LAMB1: variants seen among roughly 807,000 people sequenced by gnomAD.
The protein encoded by LAMB1 is laminin subunit beta 1.
Under a neutral mutation model 222.3 loss-of-function variants are expected in LAMB1, and 121 were observed. The ratio of observed to expected loss-of-function variants is 0.54; its 90% confidence interval spans 0.47 to 0.63. The LOEUF is 0.63. Ranked by LOEUF, LAMB1 falls within the 30% of genes least tolerant of loss-of-function variation. The probability of loss-of-function intolerance (pLI) is 0.00; values close to 1 mark genes in which losing one functional copy is unlikely to be tolerated. For missense variants in LAMB1, 2,172 were observed against 2,240.8 expected (o/e 0.97, Z 0.62); for synonymous variants, 794 against 807.2 (o/e 0.98, Z 0.28).
intron 21 of LAMB1, among the ~76,000 whole-genome samples, chr7:107,955,223 G>A (rs1014328594): frequency 2.0e-5 from 3 of 152,066 alleles, no homozygotes; most frequent in Non-Finnish European, 2.9e-5. Flanking sequence ...TGTTCCACAG[G>A]GTTTCTAGAT....
In LAMB1 at chr7:107,923,867, G is replaced by T; in HGVS notation, c.*84C>A. On this transcript the variant is annotated 3_prime_UTR_variant, in exon 34 of 34. Transcript: ENST00000222399. The stretch of plus-strand genomic sequence containing the variant: ...TGATTAAAAACATTAAATAGGTGAT[G>T]TTTTATTTTGAAGAGCATTAAGTCA... The T allele has an allele frequency of 1.6e-6, 2 of 1,242,772 alleles. No individual in the cohort carries two copies. Among genetic ancestry groups the T allele is most frequent in the Non-Finnish European group, 2.3e-6 (2 of 886,100 alleles). The allele number at this position is 1,242,772 out of a possible 1,614,324, so 77.0% of individuals were successfully genotyped here.
intron 3 of LAMB1, 136 bp from the exon 4 acceptor site, chr7:107,998,628 TAGG>T (rs2150456112): frequency 8.7e-6 from 6 of 686,868 alleles, no homozygotes; most frequent in South Asian, 7.1e-5. Context: ...GAAAATTGCT[TAGG>T]AGATTTGTAT....
chr7:107,951,346 GT>G (rs765581216), intron 23 of LAMB1, 24 bp from the exon 24 acceptor site: 1 of 1,609,476 alleles, frequency 6.2e-7, no homozygotes, highest in Non-Finnish European at 8.5e-7. Context: ...ACAGACCTTG[GT>G]CAAGCAGGCT....
chr7:107,950,818 A>C (rs1328386567), intron 24 of LAMB1, among the ~76,000 whole-genome samples: 1 of 152,222 alleles, frequency 6.6e-6, no homozygotes, highest in Admixed American at 6.5e-5. Flanking sequence ...AGTTGGCCAC[A>C]AAATACTGTT....
intron 9 of LAMB1, among the ~76,000 whole-genome samples, chr7:107,977,249 C>T (rs557273957): frequency 1.4e-4 from 22 of 152,178 alleles, no homozygotes; most frequent in Admixed American, 4.6e-4. Flanking sequence ...GGGGCAGAGG[C>T]GGAGCTGCTC....
chr7:107,975,106 A>G lies in LAMB1; in HGVS notation c.1370-8T>C. 1.3e-6 allele frequency: 2 copies of G among 1,588,816 alleles called. No individual in the cohort carries two copies. The highest frequency in any genetic ancestry group is 1.7e-6 in the Non-Finnish European group (2 of 1,157,108). On this transcript the variant is annotated splice_region_variant and splice_polypyrimidine_tract_variant and intron_variant, in intron 11 of 33. Coordinates refer to ENST00000222399, the MANE Select transcript of LAMB1 (RefSeq NM_002291.3). ...GAGGATTGCAAGCACAAGCTGTATT[A>G]AAACAAAATGAAGTGGAGAAACACA...
At chr7:107,999,884 C>T (rs1563012569) in intron 3 of LAMB1, 2 of 151,800 alleles carry the variant, frequency 1.3e-5, no homozygotes, top group South Asian at 4.2e-4. Flanking sequence ...TCAGGAGAGA[C>T]CGCTGCACCT....
Position 107,935,486 on chromosome 7 carries a change from C to A in LAMB1, c.4117G>T (p.Glu1373Ter), listed in dbSNP as rs1019945505. 1 of 1,613,226 alleles carries A rather than the reference C, an allele frequency of 6.2e-7. No homozygotes were observed. Among genetic ancestry groups the A allele is most frequent in the Non-Finnish European group, 8.5e-7 (1 of 1,179,918 alleles). The change falls in exon 27 of 34, where the codon GAG becomes TAG. Residue 1373 changes from glutamate to a stop codon, truncating the protein, a stop_gained. Coordinates refer to ENST00000222399, the MANE Select transcript of LAMB1 (RefSeq NM_002291.3). LOFTEE classifies it high-confidence loss of function. The stretch of plus-strand genomic sequence containing the variant: ...AGTTCATCAAGGAGGCGAGCCTGCT[C>A]CTCTTGTTTTTCCTTGAACTGGGAT... ...RESQFKEKQE[E>*]QARLLDELAG...
intron 24 of LAMB1, among the ~76,000 whole-genome samples, chr7:107,945,689 C>G (rs1474405747): frequency 6.6e-6 from 1 of 152,222 alleles, no homozygotes; most frequent in Admixed American, 6.5e-5. Flanking sequence ...CTTAACCTCT[C>G]TGAGTCTGAG....
At chr7:107,924,537 C>A in intron 32 of LAMB1, 148 bp from the exon 33 acceptor site, 1 of 595,006 alleles carries the variant, frequency 1.7e-6, no homozygotes, top group Non-Finnish European at 2.7e-6. Flanking sequence ...TATCTTCAAA[C>A]AGTGGAATTG....
At chr7:107,956,952 CT>C (rs1198519362) in intron 20 of LAMB1, among the ~76,000 whole-genome samples, 1 of 152,128 alleles carries the variant, frequency 6.6e-6, no homozygotes, top group African/African-American at 2.4e-5. Context: ...ATTTGGGGTC[CT>C]TAAAGCAATA....
At chr7:107,964,838 T>A in intron 13 of LAMB1, 151 bp from the exon 14 acceptor site, 1 of 917,098 alleles carries the variant, frequency 1.1e-6, no homozygotes, top group Non-Finnish European at 1.6e-6. Flanking sequence ...TGGAAAAAAG[T>A]AGTGCCTATG....
At chr7:107,992,765 T>C (rs2034209595) in intron 5 of LAMB1, among the ~76,000 whole-genome samples, 1 of 152,144 alleles carries the variant, frequency 6.6e-6, no homozygotes, top group South Asian at 2.1e-4. Flanking sequence ...TGTGGTGGCA[T>C]GTGCCTATAG....
intron 17 of LAMB1, 35 bp from the exon 18 acceptor site, chr7:107,960,684 A>G (rs766396101): frequency 6.3e-7 from 1 of 1,579,296 alleles, no homozygotes; most frequent in Non-Finnish European, 8.7e-7. Flanking sequence ...ACATCCTTAC[A>G]GTGGTGCCCC....
At chr7:107,991,824 C>G (rs1426928777) in intron 5 of LAMB1, among the ~76,000 whole-genome samples, 1 of 141,430 alleles carries the variant, frequency 7.1e-6, no homozygotes, top group Non-Finnish European at 1.5e-5. Flanking sequence ...AGAAGAATCG[C>G]TTGAACCCGG....
intron 27 of LAMB1, chr7:107,932,640 G>A: frequency 4.0e-6 from 2 of 503,822 alleles, no homozygotes; most frequent in Non-Finnish European, 7.2e-6. Flanking sequence ...TATGAGCTCT[G>A]CCCAGGATGC....
intron 12 of LAMB1, among the ~76,000 whole-genome samples, chr7:107,973,545 T>A (rs1298786253): frequency 6.6e-6 from 1 of 152,126 alleles, no homozygotes; most frequent in African/African-American, 2.4e-5. Context: ...GGAAATCAGA[T>A]CTTTAGAGCA....
Position 107,931,465 on chromosome 7 carries a change from T to C in LAMB1, c.4428A>G (p.Lys1476=), listed in dbSNP as rs1442738741. 6 of 1,613,616 alleles carry C rather than the reference T, an allele frequency of 3.7e-6. No homozygotes were observed. The highest frequency in any genetic ancestry group is 4.2e-6 in the Non-Finnish European group (5 of 1,179,866). ...TCAACAGAATGTCTTCAGCACTTTG[T>C]TTTGCCTCATCTGCCCTCAGTTTTG... The part of the protein sequence containing the change: ...SEAKLRADEA[K]QSAEDILLKT... The change falls in exon 29 of 34, where the codon AAA becomes AAG. Residue 1476 remains lysine (K), a synonymous_variant. Coordinates refer to ENST00000222399, the MANE Select transcript of LAMB1 (RefSeq NM_002291.3).
chr7:108,002,735 T>A (rs1400482815), intron 2 of LAMB1, 114 bp downstream of exon 2: 45 of 1,432,560 alleles, frequency 3.1e-5, no homozygotes, highest in Non-Finnish European at 4.3e-5. Flanking sequence ...GTCATTTCCA[T>A]CCAGTCCCTC....
Sources: gnomAD v4.1 joint callset for allele counts (sites outside exome capture counted in the v4.1 genomes callset) on GRCh38, gnomAD v4.1.1 for gene constraint, MANE v1.5 for transcripts, NCBI Gene and HGNC (gene_info 2026-07-23, HGNC 2026-07-21) for gene names.